TANC1: variants seen among roughly 807,000 people sequenced by gnomAD.
TANC1 encodes tetratricopeptide repeat, ankyrin repeat and coiled-coil containing 1, also known as protein TANC1.
Under a neutral mutation model 149.7 loss-of-function variants are expected in TANC1, and 77 were observed. That is an observed-to-expected ratio of 0.51 (90% confidence interval 0.43 to 0.62). The LOEUF (loss-of-function observed/expected upper bound fraction) is 0.62. TANC1 is among the 20% of genes least tolerant of loss of function. The pLI is 0.00. For synonymous variants in TANC1, 854 were observed against 925.0 expected, an observed-to-expected ratio of 0.92 and a Z score of 1.39; for missense variants, 1,985 against 2,321.8, an observed-to-expected ratio of 0.85 and a Z score of 2.98.
rs546588537 is a variant in TANC1, at chr2:159,039,173, A to G, written c.-15-26723A>G. 1.3e-4 allele frequency among the ~76,000 whole-genome samples: 19 copies of G among 151,810 alleles called. 1 individual carries two copies. The highest frequency in any genetic ancestry group is 1.0e-3 in the South Asian group (5 of 4,794). Reference sequence around the variant, plus strand: ...ATAGTATTCTCTGATTGTAGTTTGTATTTCTGTGTGATCATTGGTGATATC... The same window carrying G: ...ATAGTATTCTCTGATTGTAGTTTGTGTTTCTGTGTGATCATTGGTGATATC... On this transcript the variant is annotated intron_variant, in intron 2 of 26. Transcript: ENST00000263635.
In TANC1 at chr2:158,984,911, C is replaced by G. The variant is rs189395600; in HGVS notation, c.-126+16129C>G. ...TGGCAGGGAGAAGAGAGCCAGATTG[C>G]AAAGGCCTTGCATGCCAGGCTAAGA... On this transcript the variant is annotated intron_variant, in intron 1 of 26. Coordinates refer to ENST00000263635, the MANE Select transcript of TANC1 (RefSeq NM_033394.3). 1.8e-3 allele frequency among the ~76,000 whole-genome samples: 280 copies of G among 152,284 alleles called. 2 individuals are homozygous for G. The highest frequency in any genetic ancestry group is 6.1e-3 in the Admixed American group (93 of 15,302).
chr2:159,207,398 G>A (rs1000751043), intron 19 of TANC1, among the ~76,000 whole-genome samples: 2 of 152,170 alleles, frequency 1.3e-5, no homozygotes, highest in African/African-American at 4.8e-5. Flanking sequence ...AGGCAGCATT[G>A]TAGGAGCTAA....
intron 4 of TANC1, among the ~76,000 whole-genome samples, chr2:159,132,735 C>G (rs1221305951): frequency 6.6e-6 from 1 of 150,678 alleles, no homozygotes; most frequent in Non-Finnish European, 1.5e-5. Context: ...ATGAGGCAAT[C>G]CACCCACCTC....
rs754052800 is a variant in TANC1, at chr2:159,136,002, T to TTGTGTGTGTGTGTG, written c.260-157_260-144dup. ...ACGTTCCCTCGTCTGTACTGAAATT[T>TTGTGTGTGTGTGTG]TGTGTGTGTGTGTGTGTGTGTGTGT... is the stretch of plus-strand genomic sequence containing the variant. On this transcript the variant is annotated intron_variant, in intron 4 of 26. Transcript: ENST00000263635. Among the ~76,000 whole-genome samples, 530 of 107,818 alleles carry TTGTGTGTGTGTGTG rather than the reference T, an allele frequency of 4.9e-3. 4 individuals carry two copies. The highest frequency in any genetic ancestry group is 6.7e-3 in the Non-Finnish European group (310 of 45,994). 70.7% of individuals were successfully genotyped at this position (107,818 alleles called of 152,430 possible). A position where few individuals can be genotyped will look rare whatever the true frequency, so the allele number is the denominator to read the frequency against.
chr2:159,150,226 C>G, intron 6 of TANC1, 144 bp from the exon 7 acceptor site: 1 of 629,660 alleles, frequency 1.6e-6, no homozygotes, highest in Non-Finnish European at 2.7e-6. Flanking sequence ...GAATCCATAT[C>G]TATACACACA....
chr2:159,043,248 G>C (rs983536497), intron 2 of TANC1, among the ~76,000 whole-genome samples: 1 of 152,132 alleles, frequency 6.6e-6, no homozygotes, highest in African/African-American at 2.4e-5. Context: ...TCATAGGGAA[G>C]AGTGCTGACG....
intron 13 of TANC1, 151 bp from the exon 14 acceptor site, chr2:159,178,405 C>A (rs2056109526): frequency 1.1e-6 from 1 of 895,056 alleles, no homozygotes; most frequent in Admixed American, 3.1e-5. Flanking sequence ...TTCACCTTAT[C>A]CTATTACACG....
intron 2 of TANC1, among the ~76,000 whole-genome samples, chr2:159,048,036 T>G (rs1310568531): frequency 6.6e-6 from 1 of 152,194 alleles, no homozygotes; most frequent in East Asian, 1.9e-4. Flanking sequence ...GATGTCATGC[T>G]CTGTTACAAG....
intron 5 of TANC1, among the ~76,000 whole-genome samples, chr2:159,137,415 G>T (rs1468911941): frequency 6.6e-6 from 1 of 152,172 alleles, no homozygotes; most frequent in Non-Finnish European, 1.5e-5. Flanking sequence ...TGGGCACTCT[G>T]GGCAGGCAAG....
rs192339924 is a variant in TANC1 at position 159,136,337 on chromosome 2, A to G, written c.364+39A>G. 4.2e-4 allele frequency: 466 copies of G among 1,109,980 alleles called. 1 individual carries two copies. In the African/African-American group the frequency reaches 5.8e-3, roughly 14 times the overall value. The allele number at this position is 1,109,980 out of a possible 1,614,324, so 68.8% of individuals were successfully genotyped here. On this transcript the variant is annotated intron_variant, in intron 5 of 26. Transcript: ENST00000263635. ...TGATTTCCTTCCCCCTCTACCAAAG[A>G]TTTTATACAATGACACTTCATTTCT...
chr2:158,976,481 G>A (rs145473163), intron 1 of TANC1, among the ~76,000 whole-genome samples: 60 of 152,246 alleles, frequency 3.9e-4, no homozygotes, highest in Non-Finnish European at 7.2e-4. Context: ...AAAGATTCTT[G>A]CAAAGAAAGT....
In TANC1 at chr2:159,194,293, A is replaced by G. The variant is rs776206642; in HGVS notation, c.2779A>G (p.Asn927Asp). 1 of 1,614,196 alleles carries G rather than the reference A, an allele frequency of 6.2e-7. No homozygotes were observed. The highest frequency in any genetic ancestry group is 1.1e-5 in the South Asian group (1 of 91,088). The stretch of plus-strand genomic sequence containing the variant: ...CCTGATTTTGGGAGGGGCCAACGTG[A>G]ACTACAGGACAGAAGTGTTAAATAA... ...RLLILGGANV[N>D]YRTEVLNNAP... Residue 927 changes from asparagine (N) to aspartate (D), a missense_variant, in exon 17 of 27, where the codon AAC becomes GAC. By Grantham distance (23) the Asn-to-Asp change is conservative. Around this residue, in one of 3 missense-constraint regions of TANC1, gnomAD observed 508 missense variants for 714.2 expected, o/e 0.71. Transcript: ENST00000263635.
intron 16 of TANC1, among the ~76,000 whole-genome samples, chr2:159,192,586 T>C (rs965835959): frequency 2.0e-5 from 3 of 152,200 alleles, no homozygotes; most frequent in Admixed American, 1.3e-4. Flanking sequence ...CACCCAGATA[T>C]AATGAATCAG....
At chr2:159,093,473 T>C (rs1470315721) in intron 3 of TANC1, among the ~76,000 whole-genome samples, 1 of 152,202 alleles carries the variant, frequency 6.6e-6, no homozygotes. Flanking sequence ...TTTCTGCCCG[T>C]GGCATCATCG....
At chr2:159,228,693 C>A in intron 25 of TANC1, 103 bp from the exon 26 acceptor site, 1 of 757,346 alleles carries the variant, frequency 1.3e-6, no homozygotes, top group Non-Finnish European at 2.3e-6. Flanking sequence ...CCCTCTCTGG[C>A]TGTGCCTCAG....
intron 4 of TANC1, among the ~76,000 whole-genome samples, chr2:159,130,048 C>T (rs955531070): frequency 6.6e-5 from 10 of 152,044 alleles, no homozygotes; most frequent in Non-Finnish European, 1.2e-4. Flanking sequence ...CCGGGGGCGG[C>T]GGGGGACTGG....
intron 4 of TANC1, among the ~76,000 whole-genome samples, chr2:159,135,963 G>A (rs1179841620): frequency 2.0e-5 from 3 of 151,176 alleles, no homozygotes; most frequent in Admixed American, 1.3e-4. Flanking sequence ...TTCTTCTTTG[G>A]CAGGCCAGAC....
At chr2:159,113,555 A>G (rs1272058002) in intron 4 of TANC1, among the ~76,000 whole-genome samples, 3 of 152,220 alleles carry the variant, frequency 2.0e-5, no homozygotes, top group Admixed American at 6.5e-5. Context: ...GCCATGTTCC[A>G]TCAAACTGGT....
At chr2:159,191,145 C>T (rs563509229) in intron 16 of TANC1, among the ~76,000 whole-genome samples, 17 of 152,230 alleles carry the variant, frequency 1.1e-4, no homozygotes, top group South Asian at 2.1e-4. Flanking sequence ...GTGTAGACAG[C>T]GGGGTGGTGG....
Sources: allele counts gnomAD v4.1 joint callset (sites outside exome capture counted in the v4.1 genomes callset), GRCh38; gene constraint gnomAD v4.1.1; regional missense constraint gnomAD v4.1.1; transcripts MANE v1.5; gene names NCBI Gene and HGNC (gene_info 2026-07-23, HGNC 2026-07-21).